RIT2: variants seen among roughly 807,000 people sequenced by gnomAD.
RIT2 encodes the protein GTP-binding protein Rit2.
Under a neutral mutation model 23.7 loss-of-function variants are expected in RIT2, and 24 were observed. The ratio of observed to expected loss-of-function variants is 1.01; its 90% CI spans 0.73 to 1.43. RIT2 has a LOEUF of 1.43. RIT2 is among the 40% of genes most tolerant of loss of function. The pLI, the probability that RIT2 is intolerant of heterozygous loss-of-function variation, is 0.00. For synonymous variants in RIT2, 107 were observed against 91.1 expected (o/e 1.17, Z -0.99); for missense variants, 236 against 266.9 (o/e 0.88, Z 0.81).
chr18:42,848,065 G>A (rs931497550), intron 4 of RIT2, among the ~76,000 whole-genome samples: 4 of 151,636 alleles, frequency 2.6e-5, no homozygotes, highest in Non-Finnish European at 5.9e-5. Flanking sequence ...TTGTCAACTC[G>A]TTTGGTCATT....
chr18:42,963,354 G>A (rs1325019734), intron 3 of RIT2, among the ~76,000 whole-genome samples: 1 of 152,102 alleles, frequency 6.6e-6, no homozygotes, highest in African/African-American at 2.4e-5. Context: ...ACAGTGACAT[G>A]GGAACATCCA....
At chr18:42,811,732 G>T (rs191118218) in intron 4 of RIT2, among the ~76,000 whole-genome samples, 13 of 152,158 alleles carry the variant, frequency 8.5e-5, no homozygotes, top group Admixed American at 7.2e-4. Context: ...GGAATGGAAG[G>T]ATTCGTTTGC....
intron 4 of RIT2, among the ~76,000 whole-genome samples, chr18:42,913,541 A>G (rs968142143): frequency 7.9e-5 from 12 of 151,998 alleles, no homozygotes; most frequent in African/African-American, 2.9e-4. Flanking sequence ...AAAAGAAACA[A>G]TCCAACCAGA....
chr18:43,021,302 T>C (rs1911592427), intron 2 of RIT2, among the ~76,000 whole-genome samples: 1 of 152,088 alleles, frequency 6.6e-6, no homozygotes, highest in Non-Finnish European at 1.5e-5. Context: ...TAATTAATCA[T>C]CAGGGAAGTG....
At chr18:43,033,676 T>G in intron 2 of RIT2, 135 bp downstream of exon 2, 1 of 656,064 alleles carries the variant, frequency 1.5e-6, no homozygotes, top group East Asian at 2.8e-5. Flanking sequence ...ACGTTACATA[T>G]GATAGATTTG....
At chr18:42,810,234 G>A (rs1324596654) in intron 4 of RIT2, among the ~76,000 whole-genome samples, 1 of 150,974 alleles carries the variant, frequency 6.6e-6, no homozygotes, top group Non-Finnish European at 1.5e-5. Flanking sequence ...ATAAATAATG[G>A]GGCTCATTGT....
chr18:43,071,662 T>G (rs1912899889), intron 1 of RIT2, among the ~76,000 whole-genome samples: 1 of 152,236 alleles, frequency 6.6e-6, no homozygotes, highest in Non-Finnish European at 1.5e-5. Flanking sequence ...TCTTCTGAGA[T>G]CTTATCCAAT....
chr18:42,952,084 T>C (rs1266789423), intron 3 of RIT2, among the ~76,000 whole-genome samples: 1 of 152,130 alleles, frequency 6.6e-6, no homozygotes, highest in Non-Finnish European at 1.5e-5. Flanking sequence ...CATGATTCAA[T>C]TACCTCCTAC....
intron 3 of RIT2, among the ~76,000 whole-genome samples, chr18:42,955,826 C>G (rs1598729179): frequency 6.6e-6 from 1 of 152,176 alleles, no homozygotes; most frequent in South Asian, 2.1e-4. Flanking sequence ...AAAGAAATCT[C>G]AAATGTATTC....
rs114283924 is a variant in RIT2, at chr18:42,820,522, G to A, written c.427-76802C>T. On this transcript the variant is annotated intron_variant, in intron 4 of 4. Transcript: ENST00000326695. ...TGTAGGATTCAGCCAATGTGGAACC[G>A]TGGAAGGGACTGGAATGAAGAAGGG... Among the ~76,000 whole-genome samples, 659 of 152,198 alleles carry A rather than the reference G, an allele frequency of 4.3e-3. 3 individuals are homozygous for A. The highest frequency in any genetic ancestry group is 0.015 in the African/African-American group (634 of 41,528).
intron 4 of RIT2, among the ~76,000 whole-genome samples, chr18:42,794,020 T>G (rs545688580): frequency 1.3e-4 from 20 of 152,244 alleles, no homozygotes; most frequent in African/African-American, 4.8e-4. Flanking sequence ...CCTGAGACTG[T>G]CGTATACTTA....
At chr18:42,872,102 A>G (rs1049657883) in intron 4 of RIT2, among the ~76,000 whole-genome samples, 5 of 152,138 alleles carry the variant, frequency 3.3e-5, no homozygotes, top group Non-Finnish European at 7.3e-5. Context: ...GAATTTTTAT[A>G]TTAAGTAAAA....
At chr18:42,842,374 A>C (rs1906790399) in intron 4 of RIT2, among the ~76,000 whole-genome samples, 1 of 152,222 alleles carries the variant, frequency 6.6e-6, no homozygotes, top group Admixed American at 6.5e-5. Context: ...CCTGGTCAGA[A>C]ATAGATGGTG....
chr18:42,949,122 A>T (rs1944405), intron 3 of RIT2: 37,327 of 396,860 alleles, frequency 0.094, 1,928 homozygotes, highest in East Asian at 0.17. Flanking sequence ...GCCCTGCCAC[A>T]TAGACCATGG....
chr18:42,897,247 C>T (rs1346648047), intron 4 of RIT2, among the ~76,000 whole-genome samples: 1 of 152,090 alleles, frequency 6.6e-6, no homozygotes, highest in African/African-American at 2.4e-5. Context: ...CAGTTTCAGT[C>T]CTGAGAGAGA....
intron 1 of RIT2, among the ~76,000 whole-genome samples, chr18:43,068,443 A>C (rs1912820141): frequency 6.6e-6 from 1 of 152,166 alleles, no homozygotes; most frequent in Non-Finnish European, 1.5e-5. Flanking sequence ...GCAGAAACCC[A>C]GGGAACAGCA....
intron 2 of RIT2, among the ~76,000 whole-genome samples, chr18:43,028,908 C>T (rs997663017): frequency 4.6e-5 from 7 of 151,886 alleles, no homozygotes; most frequent in African/African-American, 7.2e-5. Context: ...GTAATTCAAA[C>T]GTAGTATTTT....
At chr18:42,753,605 T>G (rs1004516457) in intron 4 of RIT2, among the ~76,000 whole-genome samples, 1 of 152,228 alleles carries the variant, frequency 6.6e-6, no homozygotes, top group Non-Finnish European at 1.5e-5. Flanking sequence ...ATGGAGCTAT[T>G]AATTTTCATT....
At chr18:43,024,195 G>A (rs941168661) in intron 2 of RIT2, among the ~76,000 whole-genome samples, 2 of 151,896 alleles carry the variant, frequency 1.3e-5, no homozygotes, top group African/African-American at 4.8e-5. Flanking sequence ...AGATCTTTCT[G>A]GTATAAAAAT....
Sources: gnomAD v4.1 joint callset for allele counts (sites outside exome capture counted in the v4.1 genomes callset) on GRCh38, gnomAD v4.1.1 for gene constraint, MANE v1.5 for transcripts, NCBI Gene and HGNC (gene_info 2026-07-23, HGNC 2026-07-21) for gene names.